Variants in CLASP2 observed in about 807,000 individuals in gnomAD.
The protein encoded by CLASP2 is CLIP-associating protein 2.
Under a neutral mutation model 194.4 loss-of-function variants are expected in CLASP2, and 47 were observed. The observed-to-expected ratio is 0.24, with a 90% CI of 0.19 to 0.31. The LOEUF (loss-of-function observed/expected upper bound fraction) is 0.31, where lower values mean the gene tolerates loss of function less well. CLASP2 is among the 10% of genes least tolerant of loss of function. The pLI, the probability that CLASP2 is intolerant of heterozygous loss-of-function variation, is 1.00. For synonymous variants in CLASP2, 619 were observed against 633.5 expected (o/e 0.98, Z 0.34); for missense variants, 1,445 against 1,823.6 (o/e 0.79, Z 3.78).
At chr3:33,626,541 A>G (rs1465026830) in intron 10 of CLASP2, among the ~76,000 whole-genome samples, 3 of 152,136 alleles carry the variant, frequency 2.0e-5, no homozygotes, top group Admixed American at 2.0e-4. Context: ...TCACATTCAC[A>G]TGAGAAGAAA....
At chr3:33,581,993 A>G (rs1428180269) in intron 22 of CLASP2, 65 bp from the exon 23 acceptor site, 1 of 1,222,526 alleles carries the variant, frequency 8.2e-7, no homozygotes, top group Non-Finnish European at 1.2e-6. Flanking sequence ...GCATTTTAAA[A>G]AATTTTGTTT....
intron 6 of CLASP2, among the ~76,000 whole-genome samples, chr3:33,676,021 T>C (rs1244402400): frequency 7.3e-5 from 11 of 151,716 alleles, no homozygotes; most frequent in Admixed American, 2.6e-4. Flanking sequence ...AGGTAATTTA[T>C]AGATTCAATG....
chr3:33,598,161 C>CT lies in CLASP2; in HGVS notation c.1925-1428dup, dbSNP rs576934464. On this transcript the variant is annotated intron_variant, in intron 18 of 38. Transcript: ENST00000682230. ...GACTCCTTCAGACTATCTCACAGGT[C>CT]TTTTTTTTTTTTTCACTCTAATAAA... is the stretch of plus-strand genomic sequence containing the variant. 1.8e-3 allele frequency among the ~76,000 whole-genome samples: 255 copies of CT among 143,256 alleles called. 4 individuals are homozygous for CT. Among genetic ancestry groups the CT allele is most frequent in the Middle Eastern group, 7.4e-3 (2 of 272 alleles). 94.0% of individuals were successfully genotyped at this position (143,256 alleles called of 152,430 possible).
chr3:33,693,928 C>T (rs2091612089), intron 2 of CLASP2, among the ~76,000 whole-genome samples: 1 of 151,582 alleles, frequency 6.6e-6, no homozygotes. Context: ...AAACACTAAC[C>T]AACAAAAGTA....
intron 18 of CLASP2, among the ~76,000 whole-genome samples, chr3:33,600,966 T>TG (rs2071951013): frequency 6.9e-6 from 1 of 145,902 alleles, no homozygotes; most frequent in Non-Finnish European, 1.5e-5. Context: ...TTTTTTTTTT[T>TG]TTTTTTTTTT....
chr3:33,697,210 T>C (rs550650972), intron 1 of CLASP2, among the ~76,000 whole-genome samples: 1 of 152,296 alleles, frequency 6.6e-6, no homozygotes, highest in East Asian at 1.9e-4. Context: ...ACACAGGAGT[T>C]TACTGACTCT....
At chr3:33,521,867 G>A (rs2053189961) in intron 34 of CLASP2, among the ~76,000 whole-genome samples, 1 of 145,184 alleles carries the variant, frequency 6.9e-6, no homozygotes, top group Non-Finnish European at 1.5e-5. Flanking sequence ...CAGTACAGTA[G>A]CAACTACCCA....
chr3:33,589,265 C>G, intron 21 of CLASP2, among the ~76,000 whole-genome samples: 1 of 152,150 alleles, frequency 6.6e-6, no homozygotes, highest in South Asian at 2.1e-4. Flanking sequence ...AAAAGAGACA[C>G]AATTTTGTCA....
intron 6 of CLASP2, among the ~76,000 whole-genome samples, chr3:33,678,124 A>T (rs1018219326): frequency 6.6e-6 from 1 of 152,108 alleles, no homozygotes; most frequent in Non-Finnish European, 1.5e-5. Context: ...ACTGTGGGGC[A>T]TCTATAAAAG....
chr3:33,595,010 A>C, intron 19 of CLASP2, 42 bp from the exon 20 acceptor site: 1 of 1,345,018 alleles, frequency 7.4e-7, no homozygotes, highest in Non-Finnish European at 1.0e-6. Context: ...AAATTCTGCC[A>C]ATGTTGATAT....
intron 6 of CLASP2, among the ~76,000 whole-genome samples, chr3:33,673,849 C>T (rs1309390396): frequency 6.6e-6 from 1 of 152,050 alleles, no homozygotes; most frequent in African/African-American, 2.4e-5. Context: ...ACAAAGAAGG[C>T]CATTACATAA....
chr3:33,705,889 A>C (rs565002098), intron 1 of CLASP2, among the ~76,000 whole-genome samples: 1 of 152,320 alleles, frequency 6.6e-6, no homozygotes, highest in African/African-American at 2.4e-5. Flanking sequence ...TGAAAAAAGC[A>C]AAGTTGGGAA....
At chr3:33,646,434 A>G (rs555306499) in intron 7 of CLASP2, among the ~76,000 whole-genome samples, 18 of 152,270 alleles carry the variant, frequency 1.2e-4, no homozygotes, top group African/African-American at 4.3e-4. Flanking sequence ...GGATAAATTA[A>G]TAAGCTTAAA....
chr3:33,640,976 C>G (rs572755125), intron 8 of CLASP2, among the ~76,000 whole-genome samples: 1 of 151,994 alleles, frequency 6.6e-6, no homozygotes, highest in East Asian at 1.9e-4. Context: ...TAAAAGAAAC[C>G]TTATTTACCA....
rs1186817825 is a variant in CLASP2 at position 33,663,433 on chromosome 3, A to T, written c.715+12T>A. 2.5e-6 allele frequency: 4 copies of T among 1,606,308 alleles called. No homozygotes were observed. The highest frequency in any genetic ancestry group is 2.2e-5 in the South Asian group (2 of 89,784). On this transcript the variant is annotated intron_variant, in intron 7 of 38. Coordinates refer to ENST00000682230, the MANE Select transcript of CLASP2 (RefSeq NM_001365631.1). ...TAGTCTTAGAAATGTTTGAGAGCTTAATTACTCTTACCTTTGCAGACACTC... is the reference window on the plus strand; with the variant it reads ...TAGTCTTAGAAATGTTTGAGAGCTTTATTACTCTTACCTTTGCAGACACTC...
At chr3:33,601,948 G>A (rs2072323722) in intron 18 of CLASP2, among the ~76,000 whole-genome samples, 1 of 151,822 alleles carries the variant, frequency 6.6e-6, no homozygotes, top group Non-Finnish European at 1.5e-5. Context: ...TGAAATATGT[G>A]CATTCATACT....
intron 18 of CLASP2, among the ~76,000 whole-genome samples, chr3:33,597,496 C>A (rs373779834): frequency 1.3e-5 from 2 of 152,240 alleles, no homozygotes; most frequent in South Asian, 2.1e-4. Context: ...TGTGGGGACA[C>A]TGAACTCTGC....
intron 6 of CLASP2, among the ~76,000 whole-genome samples, chr3:33,677,562 G>A: frequency 9.0e-6 from 1 of 111,310 alleles, no homozygotes; most frequent in Admixed American, 1.1e-4. Context: ...TGTGGGGTGG[G>A]GGGAGGGGGG....
chr3:33,535,605 T>A (rs1041897555), intron 33 of CLASP2, 144 bp from the exon 34 acceptor site: 2 of 642,898 alleles, frequency 3.1e-6, no homozygotes, highest in Admixed American at 6.0e-5. Flanking sequence ...GTAATGGCAA[T>A]CAACATTATG....
Sources: allele counts gnomAD v4.1 joint callset (sites outside exome capture counted in the v4.1 genomes callset), GRCh38; gene constraint gnomAD v4.1.1; transcripts MANE v1.5; gene names NCBI Gene and HGNC (gene_info 2026-07-23, HGNC 2026-07-21).